SENP7: variants seen among roughly 807,000 people sequenced by gnomAD.
SENP7 encodes sentrin-specific protease 7.
In SENP7, 64 loss-of-function variants were observed where a neutral mutation model predicts 141.2. The ratio of observed to expected loss-of-function variants is 0.45; its 90% CI spans 0.37 to 0.56. SENP7 has a LOEUF of 0.56. Ranked by LOEUF, SENP7 falls within the 20% of genes least tolerant of loss-of-function variation. The pLI is 0.00. For synonymous variants in SENP7, 382 were observed against 426.4 expected (o/e 0.90, Z 1.28); for missense variants, 1,025 against 1,212.2 (o/e 0.85, Z 2.29).
At chr3:101,447,828 T>A (rs2062954137) in intron 4 of SENP7, among the ~76,000 whole-genome samples, 1 of 151,962 alleles carries the variant, frequency 6.6e-6, no homozygotes, top group South Asian at 2.1e-4. Flanking sequence ...CTTCCCAATT[T>A]CAAAACTTAC....
intron 6 of SENP7, among the ~76,000 whole-genome samples, chr3:101,381,442 C>A (rs1300220403): frequency 6.6e-6 from 1 of 151,538 alleles, no homozygotes; most frequent in Admixed American, 6.6e-5. Flanking sequence ...ATCATTTAAT[C>A]CAGAAAAATA....
At chr3:101,368,048 A>G (rs560049358) in intron 7 of SENP7, 37 bp from the exon 8 acceptor site, 3 of 1,502,322 alleles carry the variant, frequency 2.0e-6, no homozygotes, top group East Asian at 2.3e-5. Context: ...TGGACAAAAA[A>G]GTATAGAGAG....
intron 11 of SENP7, among the ~76,000 whole-genome samples, chr3:101,352,973 T>G (rs1330520241): frequency 1.3e-5 from 2 of 152,028 alleles, no homozygotes. Context: ...CTGCCTCTAC[T>G]GTCTCTACCA....
At chr3:101,336,017 C>T (rs536653374) in intron 17 of SENP7, among the ~76,000 whole-genome samples, 6 of 152,150 alleles carry the variant, frequency 3.9e-5, no homozygotes, top group Admixed American at 1.3e-4. Context: ...GTCTAGTGTA[C>T]CCACTAAGAC....
chr3:101,330,358 C>T lies in SENP7; in HGVS notation c.2727G>A (p.Leu909=), dbSNP rs2107198977. 3 of 1,608,490 alleles carry T rather than the reference C, an allele frequency of 1.9e-6. No individual in the cohort carries two copies. Among genetic ancestry groups the T allele is most frequent in the South Asian group, 1.1e-5 (1 of 90,846 alleles). The change falls in exon 20 of 24, where the codon CTG becomes CTA. Residue 909 remains leucine, a synonymous_variant. Coordinates refer to ENST00000394095, the MANE Select transcript of SENP7 (RefSeq NM_020654.5). ...CTTGGGAATCCTCTGCACTCAAAGA[C>T]AGTGTCGAAGTAGTACGTAGATCAT... ...IDNDLRTTST[L]SLSAEDSQST...
chr3:101,449,518 C>T (rs2063036207), intron 4 of SENP7, among the ~76,000 whole-genome samples: 1 of 152,238 alleles, frequency 6.6e-6, no homozygotes, highest in African/African-American at 2.4e-5. Flanking sequence ...AACAGCTGAT[C>T]TCTTGGCAGA....
At chr3:101,428,334 T>G (rs146951268) in intron 4 of SENP7, among the ~76,000 whole-genome samples, 1 of 152,346 alleles carries the variant, frequency 6.6e-6, no homozygotes, top group African/African-American at 2.4e-5. Context: ...GTGTTCCTAT[T>G]TCTCCATATC....
In SENP7 at chr3:101,337,524, T is replaced by A; in HGVS notation, c.2465A>T (p.Asp822Val). 6.5e-7 allele frequency: 1 copy of A among 1,540,294 alleles called. No individual in the cohort carries two copies. The highest frequency in any genetic ancestry group is 8.9e-7 in the Non-Finnish European group (1 of 1,119,962). ...LTRKENNLTE[D>V]NPNLSMAQRR... ...ATTAACTTACGAAAGATTTGGATTA[T>A]CTTCTGTTAAATTATTTTCCTTTCT... The change falls in exon 17 of 24, where the codon GAT (aspartate) becomes GTT (valine). Residue 822 changes from aspartate to valine, a missense_variant. By Grantham distance (152) the Asp-to-Val change is radical (BLOSUM62 -3). Around this residue, in one of 4 missense-constraint regions of SENP7, gnomAD observed 295 missense variants for 459.1 expected, o/e 0.64. Transcript: ENST00000394095.
At chr3:101,363,263 A>G (rs2059947940) in intron 10 of SENP7, 1 of 229,276 alleles carries the variant, frequency 4.4e-6, no homozygotes, top group Admixed American at 6.5e-5. Context: ...AGTCAGACAA[A>G]TAACTGTGGG....
intron 6 of SENP7, among the ~76,000 whole-genome samples, chr3:101,376,665 A>G (rs926282454): frequency 3.9e-5 from 6 of 152,176 alleles, no homozygotes; most frequent in Non-Finnish European, 7.3e-5. Flanking sequence ...GGATAGCATT[A>G]GGAGATACAC....
At chr3:101,465,926 G>C (rs2063743380) in intron 3 of SENP7, among the ~76,000 whole-genome samples, 1 of 151,934 alleles carries the variant, frequency 6.6e-6, no homozygotes, top group Non-Finnish European at 1.5e-5. Flanking sequence ...ATCTCGATTA[G>C]AAATTCAACA....
chr3:101,409,004 G>A (rs1437803652), intron 5 of SENP7, among the ~76,000 whole-genome samples: 1 of 152,114 alleles, frequency 6.6e-6, no homozygotes, highest in Non-Finnish European at 1.5e-5. Context: ...CCTATTTGCT[G>A]ACGCTATGAT....
intron 1 of SENP7, among the ~76,000 whole-genome samples, chr3:101,509,204 A>C (rs1022436115): frequency 1.3e-5 from 2 of 152,094 alleles, no homozygotes; most frequent in African/African-American, 4.8e-5. Context: ...AAAAAAAACA[A>C]GCCTTTCTAC....
chr3:101,342,085 T>C (rs1025201321), intron 14 of SENP7, among the ~76,000 whole-genome samples: 2 of 152,076 alleles, frequency 1.3e-5, no homozygotes, highest in Non-Finnish European at 2.9e-5. Context: ...GGAAATAAAA[T>C]TTAAAATTAA....
intron 3 of SENP7, among the ~76,000 whole-genome samples, chr3:101,492,077 A>G (rs971302038): frequency 1.3e-4 from 20 of 150,096 alleles, no homozygotes; most frequent in African/African-American, 2.0e-4. Flanking sequence ...GGGCAACAAG[A>G]GCAAAACGCC....
intron 3 of SENP7, among the ~76,000 whole-genome samples, chr3:101,492,921 T>G (rs994696378): frequency 6.6e-6 from 1 of 151,440 alleles, no homozygotes; most frequent in African/African-American, 2.4e-5. Flanking sequence ...AGCCCAGGAG[T>G]TCAAGGATTC....
intron 6 of SENP7, among the ~76,000 whole-genome samples, chr3:101,383,433 G>T (rs1196841076): frequency 6.6e-6 from 1 of 152,168 alleles, no homozygotes; most frequent in Non-Finnish European, 1.5e-5. Context: ...CAAGTTGGAG[G>T]GGCGGGAGTC....
chr3:101,428,951 CT>C lies in SENP7; in HGVS notation c.285-11162del, dbSNP rs1378452070. Among the ~76,000 whole-genome samples the C allele has an allele frequency of 3.3e-5, 5 of 152,286 alleles. 1 individual carries two copies. The East Asian group carries it at 9.6e-4, about 29-fold the overall frequency. ...AACACCATTTATTAAATAGGGAATCCTTTCCCCATTGCTTGTTTTTGTCAGG... is the reference window on the plus strand; with the variant it reads ...AACACCATTTATTAAATAGGGAATCCTTCCCCATTGCTTGTTTTTGTCAGG... On this transcript the variant is annotated intron_variant, in intron 4 of 23. Transcript: ENST00000394095.
intron 7 of SENP7, among the ~76,000 whole-genome samples, chr3:101,370,850 G>A (rs1481668479): frequency 6.6e-6 from 1 of 152,108 alleles, no homozygotes; most frequent in Admixed American, 6.5e-5. Flanking sequence ...AGTTATTACT[G>A]TAGTTTCATT....
Sources: gnomAD v4.1 joint callset for allele counts (sites outside exome capture counted in the v4.1 genomes callset) on GRCh38, gnomAD v4.1.1 for gene constraint, gnomAD v4.1.1 regional missense constraint, MANE v1.5 for transcripts, NCBI Gene and HGNC (gene_info 2026-07-23, HGNC 2026-07-21) for gene names.